The following SLC24A4 variants were observed in gnomAD, a reference collection of about 807,000 sequenced individuals.
SLC24A4 encodes solute carrier family 24 member 4, also known as sodium/potassium/calcium exchanger 4.
In SLC24A4, 53 loss-of-function variants were observed where a neutral mutation model predicts 79.0. The ratio of observed to expected loss-of-function variants is 0.67; its 90% confidence interval spans 0.54 to 0.84. The LOEUF (loss-of-function observed/expected upper bound fraction) is 0.84, where lower values mean the gene tolerates loss of function less well. Ranked by LOEUF, SLC24A4 falls within the 40% of genes least tolerant of loss-of-function variation. The pLI, the probability that SLC24A4 is intolerant of heterozygous loss-of-function variation, is 0.00. For missense variants in SLC24A4, 731 were observed against 822.0 expected, an observed-to-expected ratio of 0.89 and a Z score of 1.35; for synonymous variants, 323 against 323.8, an observed-to-expected ratio of 1.00 and a Z score of 0.03.
intron 12 of SLC24A4, among the ~76,000 whole-genome samples, chr14:92,474,825 A>ATGTGTGTGTGTGTGTG (rs762949686): frequency 8.5e-4 from 27 of 31,798 alleles, no homozygotes; most frequent in East Asian, 2.7e-3. Context: ...ATATATACAT[A>ATGTGTGTGTGTGTGTG]TATATGTGTG....
chr14:92,366,857 A>C (rs1004991282), intron 2 of SLC24A4, among the ~76,000 whole-genome samples: 2 of 152,122 alleles, frequency 1.3e-5, no homozygotes, highest in Non-Finnish European at 2.9e-5. Context: ...GATTACGTCC[A>C]TTTCTTTTCA....
At chr14:92,367,651 C>A (rs1338389080) in intron 2 of SLC24A4, among the ~76,000 whole-genome samples, 2 of 152,242 alleles carry the variant, frequency 1.3e-5, no homozygotes, top group African/African-American at 4.8e-5. Flanking sequence ...GAGAGGCTAC[C>A]CTTCCTACAG....
At chr14:92,452,468 C>G (rs1409949807) in intron 10 of SLC24A4, 3 of 152,184 alleles carry the variant, frequency 2.0e-5, no homozygotes, top group Middle Eastern at 3.1e-3. Context: ...GCCAGAGGCC[C>G]CAAGTGTTGA....
intron 2 of SLC24A4, among the ~76,000 whole-genome samples, chr14:92,362,954 G>A (rs960259654): frequency 2.0e-5 from 3 of 152,228 alleles, no homozygotes; most frequent in Admixed American, 1.3e-4. Context: ...GGGAGCACCC[G>A]AGAAGACGAG....
At chr14:92,363,834 A>AAAAAG (rs1195653851) in intron 2 of SLC24A4, among the ~76,000 whole-genome samples, 4 of 152,008 alleles carry the variant, frequency 2.6e-5, no homozygotes, top group African/African-American at 9.7e-5. Flanking sequence ...GTCTAAAAAA[A>AAAAAG]AAAAGAAAAG....
At chr14:92,365,730 C>T (rs776538054) in intron 2 of SLC24A4, among the ~76,000 whole-genome samples, 3 of 152,194 alleles carry the variant, frequency 2.0e-5, no homozygotes, top group Non-Finnish European at 4.4e-5. Context: ...TCATTTTTGA[C>T]CTACTGTGTG....
chr14:92,453,559 G>A, intron 10 of SLC24A4: 1 of 207,358 alleles, frequency 4.8e-6, no homozygotes, highest in Non-Finnish European at 9.5e-6. Context: ...ATTGTAGGTT[G>A]GCTGCCCTGG....
intron 9 of SLC24A4, 34 bp downstream of exon 9, chr14:92,447,458 C>T (rs773982734): frequency 3.6e-5 from 58 of 1,594,488 alleles, no homozygotes; most frequent in East Asian, 1.1e-4. Context: ...GGGCTGCCGA[C>T]GCCTTGCCCC....
chr14:92,336,295 T>G (rs1044342620), intron 2 of SLC24A4, among the ~76,000 whole-genome samples: 5 of 152,226 alleles, frequency 3.3e-5, no homozygotes, highest in Non-Finnish European at 7.3e-5. Context: ...CATTGTCCAT[T>G]ATTGAAGAGG....
chr14:92,418,354 T>C (rs1458218737), intron 2 of SLC24A4, among the ~76,000 whole-genome samples: 1 of 152,184 alleles, frequency 6.6e-6, no homozygotes, highest in African/African-American at 2.4e-5. Flanking sequence ...TCTGCCCATC[T>C]TGGGGCAGCT....
intron 1 of SLC24A4, among the ~76,000 whole-genome samples, chr14:92,324,777 A>G (rs181168103): frequency 5.3e-5 from 8 of 152,314 alleles, no homozygotes; most frequent in Admixed American, 1.3e-4. Flanking sequence ...TTTAAATGTA[A>G]AAAGACAAAA....
At chr14:92,466,938 G>T (rs1265808135) in intron 12 of SLC24A4, among the ~76,000 whole-genome samples, 1 of 152,210 alleles carries the variant, frequency 6.6e-6, no homozygotes, top group Non-Finnish European at 1.5e-5. Flanking sequence ...CTCATATGAG[G>T]AACAAAGAGA....
In SLC24A4 at chr14:92,493,803, G is replaced by C. The variant is rs1895831176; in HGVS notation, c.*175G>C. The C allele has an allele frequency of 1.3e-6, 1 of 747,650 alleles. No homozygotes were observed. The highest frequency in any genetic ancestry group is 2.1e-6 in the Non-Finnish European group (1 of 472,632). 46.3% of individuals were successfully genotyped at this position (747,650 alleles called of 1,614,324 possible). A position where few individuals can be genotyped will look rare whatever the true frequency, so the allele number is the denominator to read the frequency against. ...GTCTGGCCACAGGCCAGGCTGCTGG[G>C]CATCCTCCTCCTCCTTGGAGTTCCG... is the stretch of plus-strand genomic sequence containing the variant. On this transcript the variant is annotated 3_prime_UTR_variant, in exon 17 of 17. Coordinates refer to ENST00000532405, the MANE Select transcript of SLC24A4 (RefSeq NM_153646.4).
chr14:92,486,812 G>T (rs1157194019), intron 14 of SLC24A4, 32 bp downstream of exon 14: 1 of 1,507,406 alleles, frequency 6.6e-7, no homozygotes, highest in East Asian at 2.3e-5. Context: ...TCATAGTCAT[G>T]CAGTGCAGGC....
intron 2 of SLC24A4, among the ~76,000 whole-genome samples, chr14:92,382,413 C>T (rs1234082129): frequency 6.6e-6 from 1 of 152,138 alleles, no homozygotes; most frequent in Non-Finnish European, 1.5e-5. Context: ...TAGTCTCTGT[C>T]TCATAGTTAC....
At chr14:92,462,182 A>C (rs1233716877) in intron 12 of SLC24A4, 1 of 152,214 alleles carries the variant, frequency 6.6e-6, no homozygotes, top group Non-Finnish European at 1.5e-5. Flanking sequence ...GCAGAGTCCC[A>C]AAGCACCAGC....
intron 2 of SLC24A4, among the ~76,000 whole-genome samples, chr14:92,420,071 G>T (rs1345792895): frequency 6.6e-6 from 1 of 152,182 alleles, no homozygotes; most frequent in African/African-American, 2.4e-5. Context: ...GCCAGGGACT[G>T]CCAGCTGTCA....
At chr14:92,402,681 A>ACTT (rs112854522) in intron 2 of SLC24A4, among the ~76,000 whole-genome samples, 3,137 of 152,240 alleles carry the variant, frequency 0.021, 129 homozygotes, top group African/African-American at 0.069. Flanking sequence ...GGAGCAAGGC[A>ACTT]CTTCTTACAT....
chr14:92,436,240 C>T (rs1034330821), intron 3 of SLC24A4, among the ~76,000 whole-genome samples: 1 of 152,256 alleles, frequency 6.6e-6, no homozygotes, highest in East Asian at 1.9e-4. Context: ...CATCAGATCT[C>T]GTGAGAATTC....
Sources: allele counts gnomAD v4.1 joint callset (sites outside exome capture counted in the v4.1 genomes callset), GRCh38; gene constraint gnomAD v4.1.1; transcripts MANE v1.5; gene names NCBI Gene and HGNC (gene_info 2026-07-23, HGNC 2026-07-21).